MGST1: variants seen among roughly 807,000 people sequenced by gnomAD.
The protein encoded by MGST1 is microsomal glutathione S-transferase 1.
In MGST1, 5 loss-of-function variants were observed where a neutral mutation model predicts 8.9. That is an observed-to-expected ratio of 0.56 (90% CI 0.29 to 1.19). The LOEUF is 1.19. MGST1 is among the 50% of genes most tolerant of loss of function. The probability of loss-of-function intolerance (pLI) is 0.08; values close to 1 mark genes in which losing one functional copy is unlikely to be tolerated. For missense variants in MGST1, 182 were observed against 187.4 expected (o/e 0.97, Z 0.17); for synonymous variants, 54 against 67.8 (o/e 0.80, Z 1.00).
chr12:16,474,293 C>T (rs1056209930), intron 4 of MGST1, among the ~76,000 whole-genome samples: 24 of 152,166 alleles, frequency 1.6e-4, no homozygotes, highest in Admixed American at 1.3e-4. Context: ...AGTGTGTTTG[C>T]AGCTTCAGAT....
intron 1 of MGST1, among the ~76,000 whole-genome samples, chr12:16,435,785 T>C (rs1940979952): frequency 6.6e-6 from 1 of 151,928 alleles, no homozygotes; most frequent in Admixed American, 6.6e-5. Flanking sequence ...AAGTTGTACA[T>C]GATTGTGTTG....
chr12:16,434,123 A>G (rs1488015590), intron 1 of MGST1, among the ~76,000 whole-genome samples: 1 of 152,058 alleles, frequency 6.6e-6, no homozygotes, highest in African/African-American at 2.4e-5. Context: ...ATTTATTTCT[A>G]TTTCATCTGG....
chr12:16,395,807 A>ACACACACACG, intron 1 of MGST1, among the ~76,000 whole-genome samples: 1 of 123,882 alleles, frequency 8.1e-6, no homozygotes, highest in Admixed American at 7.5e-5. Context: ...ATATATATAC[A>ACACACACACG]CACACACACA....
chr12:16,419,425 T>C (rs769268363), intron 1 of MGST1, among the ~76,000 whole-genome samples: 32 of 152,104 alleles, frequency 2.1e-4, no homozygotes, highest in Admixed American at 5.2e-4. Context: ...TCTGTCCTTC[T>C]TGGGGGAAGA....
chr12:16,402,297 T>G, intron 1 of MGST1: 1 of 1,592,892 alleles, frequency 6.3e-7, no homozygotes, highest in Non-Finnish European at 8.6e-7. Context: ...AACAATTTCT[T>G]CATCAACACC....
intron 4 of MGST1, among the ~76,000 whole-genome samples, chr12:16,573,050 A>G (rs1230985850): frequency 6.6e-6 from 1 of 152,024 alleles, no homozygotes; most frequent in Non-Finnish European, 1.5e-5. Context: ...TTCTCTATCC[A>G]GATACATCTT....
intron 1 of MGST1, among the ~76,000 whole-genome samples, chr12:16,397,559 G>A (rs1940615393): frequency 6.6e-6 from 1 of 151,718 alleles, no homozygotes; most frequent in African/African-American, 2.4e-5. Context: ...GAGACTACAA[G>A]GAACTCAAAC....
intron 4 of MGST1, among the ~76,000 whole-genome samples, chr12:16,588,438 T>C (rs565657020): frequency 2.0e-5 from 3 of 152,140 alleles, no homozygotes; most frequent in Middle Eastern, 3.4e-3. Flanking sequence ...AATTTTATAA[T>C]ATAATTCTAC....
intron 1 of MGST1, among the ~76,000 whole-genome samples, chr12:16,408,323 G>A (rs749700724): frequency 1.3e-5 from 2 of 152,102 alleles, no homozygotes; most frequent in Non-Finnish European, 2.9e-5. Flanking sequence ...AAATTCCCAT[G>A]ACAGGAGTTT....
intron 4 of MGST1, among the ~76,000 whole-genome samples, chr12:16,578,029 C>G (rs1357625493): frequency 5.3e-5 from 8 of 152,158 alleles, no homozygotes; most frequent in Admixed American, 5.2e-4. Context: ...ATTAGATGTA[C>G]AATGGACTCC....
chr12:16,502,788 T>C (rs1249827868), intron 4 of MGST1, among the ~76,000 whole-genome samples: 5 of 152,212 alleles, frequency 3.3e-5, no homozygotes, highest in Non-Finnish European at 7.4e-5. Context: ...TGTCTAAACA[T>C]ATATAAATTG....
chr12:16,378,205 A>C (rs2137035666), downstream of MGST1, among the ~76,000 whole-genome samples: 1 of 152,150 alleles, frequency 6.6e-6, no homozygotes, highest in South Asian at 2.1e-4. Flanking sequence ...TGTGTTTTAG[A>C]CATGAAGTCC....
chr12:16,399,368 C>T (rs1255233716), intron 1 of MGST1: 2 of 1,528,670 alleles, frequency 1.3e-6, no homozygotes, highest in African/African-American at 2.7e-5. Flanking sequence ...GCACAGATGC[C>T]TTCCTCTTCT....
At chr12:16,485,835 A>G (rs991558624) in intron 4 of MGST1, among the ~76,000 whole-genome samples, 1 of 152,240 alleles carries the variant, frequency 6.6e-6, no homozygotes, top group African/African-American at 2.4e-5. Flanking sequence ...TGTACTAAGC[A>G]TTCAATTCAA....
At chr12:16,372,478 G>T (rs768886260) in intron 3 of MGST1, among the ~76,000 whole-genome samples, 1 of 151,926 alleles carries the variant, frequency 6.6e-6, no homozygotes, top group Non-Finnish European at 1.5e-5. Flanking sequence ...CCACAATGTG[G>T]TATCATCTCA....
At chr12:16,485,515 C>T (rs1941394320) in intron 4 of MGST1, among the ~76,000 whole-genome samples, 1 of 152,110 alleles carries the variant, frequency 6.6e-6, no homozygotes, top group Non-Finnish European at 1.5e-5. Context: ...CATTACTTTA[C>T]CGAATTTGAG....
chr12:16,512,537 A>G (rs913213614), intron 4 of MGST1, among the ~76,000 whole-genome samples: 7 of 152,378 alleles, frequency 4.6e-5, no homozygotes, highest in African/African-American at 9.6e-5. Context: ...ATAATTTTAA[A>G]TGATTACAAA....
chr12:16,519,645 C>CG (rs1373523819), intron 4 of MGST1, among the ~76,000 whole-genome samples: 2 of 970 alleles, frequency 2.1e-3, no homozygotes, highest in Admixed American at 0.033. Flanking sequence ...AAATAGACTA[C>CG]ATTTTTTTAC....
intron 4 of MGST1, among the ~76,000 whole-genome samples, chr12:16,523,309 G>T (rs373898751): frequency 2.1e-4 from 32 of 152,136 alleles, no homozygotes; most frequent in African/African-American, 6.7e-4. Context: ...TGAGAAAGTC[G>T]TAACATATCT....
Sources: allele counts gnomAD v4.1 joint callset (sites outside exome capture counted in the v4.1 genomes callset), GRCh38; gene constraint gnomAD v4.1.1; transcripts MANE v1.5; gene names NCBI Gene and HGNC (gene_info 2026-07-23, HGNC 2026-07-21).